The following SLC30A6 variants were observed in gnomAD, a reference collection of about 807,000 sequenced individuals.
The protein encoded by SLC30A6 is zinc transporter 6.
A neutral mutation model predicts 63.0 loss-of-function variants in SLC30A6; 55 were observed. The observed-to-expected ratio is 0.87, with a 90% CI of 0.70 to 1.09. The LOEUF (loss-of-function observed/expected upper bound fraction) is 1.09. SLC30A6 is among the 50% of genes least tolerant of loss of function. SLC30A6 has a pLI of 0.00. For missense variants in SLC30A6, 587 were observed against 549.2 expected (o/e 1.07, Z -0.69); for synonymous variants, 224 against 186.1 (o/e 1.20, Z -1.66).
chr2:32,203,222 C>T (rs1349807464), intron 10 of SLC30A6: 16 of 1,056,888 alleles, frequency 1.5e-5, no homozygotes, highest in South Asian at 1.3e-4. Context: ...CTATATCCAT[C>T]GTTCTGGACG....
chr2:32,186,730 G>C (rs1284193701), intron 5 of SLC30A6, among the ~76,000 whole-genome samples: 1 of 151,598 alleles, frequency 6.6e-6, no homozygotes, highest in Non-Finnish European at 1.5e-5. Flanking sequence ...AGATGCAGTG[G>C]CTCATGCCTG....
intron 10 of SLC30A6, chr2:32,201,570 G>A: frequency 2.3e-6 from 3 of 1,327,822 alleles, no homozygotes; most frequent in South Asian, 2.8e-5. Context: ...TGTGGCCACT[G>A]TGCCCGGAGG....
chr2:32,204,225 AAAAT>A (rs1249494609), intron 10 of SLC30A6, among the ~76,000 whole-genome samples: 1 of 152,120 alleles, frequency 6.6e-6, no homozygotes, highest in African/African-American at 2.4e-5. Flanking sequence ...TTTTTAAAAA[AAAAT>A]TACTAGTTGA....
chr2:32,197,377 C>T lies in SLC30A6; in HGVS notation c.530C>T (p.Ala177Val). The change falls in exon 9 of 14, where the codon GCA (alanine) becomes GTA (valine). Residue 177 changes from alanine (A) to valine (V), a missense_variant. Coordinates refer to ENST00000282587, the MANE Select transcript of SLC30A6 (RefSeq NM_017964.5). ...ACGAGCTGGCTTCAAGAGCATGTTG[C>T]AGATCTTAGTCGAAGGTAAGATGTT... ...ASTSWLQEHV[A>V]DLSRSLCGII... 1 of 1,613,506 alleles carries T rather than the reference C, an allele frequency of 6.2e-7. No homozygotes were observed. Among genetic ancestry groups the T allele is most frequent in the Middle Eastern group, 1.7e-4 (1 of 6,040 alleles).
chr2:32,201,762 A>T, intron 10 of SLC30A6: 1 of 1,353,482 alleles, frequency 7.4e-7, no homozygotes, highest in Non-Finnish European at 1.0e-6. Flanking sequence ...ATGAAGATTT[A>T]AACAAGATAA....
At chr2:32,186,261 C>G (rs1354382089) in intron 5 of SLC30A6, among the ~76,000 whole-genome samples, 1 of 152,214 alleles carries the variant, frequency 6.6e-6, no homozygotes, top group East Asian at 1.9e-4. Flanking sequence ...TGTCCAGCTC[C>G]TGGCCTCAAA....
At position 32,220,645 on chromosome 2, in the gene SLC30A6, A is replaced by C. The variant is rs763393489; in HGVS notation, c.1318A>C (p.Arg440=). The change falls in exon 14 of 14, where the codon AGG becomes CGG. Residue 440 remains arginine, a synonymous_variant. Transcript: ENST00000282587. ...AGGAATTGGAGCAACTCAAGGATTG[A>C]GGACTGGTTTTACAAATATACCAAG... is the stretch of plus-strand genomic sequence containing the variant. ...VPGIGATQGL[R]TGFTNIPSRY... The C allele has an allele frequency of 6.2e-7, 1 of 1,614,188 alleles. No homozygotes were observed. Among genetic ancestry groups the C allele is most frequent in the Non-Finnish European group, 8.5e-7 (1 of 1,180,014 alleles).
intron 13 of SLC30A6, among the ~76,000 whole-genome samples, chr2:32,215,514 A>T (rs1364112861): frequency 2.5e-4 from 23 of 90,656 alleles, no homozygotes; most frequent in Admixed American, 6.7e-4. Context: ...ATATATATAT[A>T]TATTTTTTTT....
intron 5 of SLC30A6, among the ~76,000 whole-genome samples, chr2:32,186,851 G>A (rs558856981): frequency 5.9e-5 from 9 of 151,636 alleles, no homozygotes; most frequent in African/African-American, 2.2e-4. Context: ...ACAAAAATAT[G>A]CTGGGTGTGG....
At chr2:32,181,436 T>A (rs1480279608) in intron 4 of SLC30A6, among the ~76,000 whole-genome samples, 1 of 152,058 alleles carries the variant, frequency 6.6e-6, no homozygotes, top group Non-Finnish European at 1.5e-5. Context: ...TATAGAAAAA[T>A]TTTCAGAGAT....
intron 10 of SLC30A6, among the ~76,000 whole-genome samples, chr2:32,200,903 C>A (rs1340786043): frequency 1.3e-5 from 2 of 152,132 alleles, no homozygotes; most frequent in Non-Finnish European, 2.9e-5. Flanking sequence ...GTTGTCAGCA[C>A]AGAGTCCTGA....
intron 5 of SLC30A6, among the ~76,000 whole-genome samples, chr2:32,185,592 T>C (rs1480730111): frequency 1.3e-5 from 2 of 152,148 alleles, no homozygotes; most frequent in Non-Finnish European, 2.9e-5. Flanking sequence ...TGGGACTATA[T>C]TCTTTTGAAC....
chr2:32,185,823 G>C (rs534894309), intron 5 of SLC30A6, among the ~76,000 whole-genome samples: 1 of 151,568 alleles, frequency 6.6e-6, no homozygotes, highest in South Asian at 2.1e-4. Flanking sequence ...GGGTTCCAGC[G>C]ATTCTTCTGC....
chr2:32,193,802 C>T, intron 7 of SLC30A6, 87 bp from the exon 8 acceptor site: 2 of 1,023,164 alleles, frequency 2.0e-6, no homozygotes, highest in Non-Finnish European at 3.0e-6. Flanking sequence ...TTTACCTTCC[C>T]ACCTCTTAGT....
chr2:32,198,491 TCTCCCATCTCAGTGAATGG>T (rs1683991674), intron 10 of SLC30A6, among the ~76,000 whole-genome samples: 1 of 152,204 alleles, frequency 6.6e-6, no homozygotes, highest in African/African-American at 2.4e-5. Flanking sequence ...TTTTCTTCTA[TCTCCCATCTCAGTGAATGG>T]GAGATACAAG....
At chr2:32,192,304 T>C (rs111581959) in intron 5 of SLC30A6, 32 bp from the exon 6 acceptor site, 1 of 1,593,608 alleles carries the variant, frequency 6.3e-7, no homozygotes, top group South Asian at 1.1e-5. Flanking sequence ...ATTGAAAGAA[T>C]TGTGATGATC....
chr2:32,185,238 G>C (rs1682703216), intron 5 of SLC30A6, among the ~76,000 whole-genome samples: 1 of 152,194 alleles, frequency 6.6e-6, no homozygotes, highest in African/African-American at 2.4e-5. Flanking sequence ...GTGTACACCT[G>C]TGGTCCCAGC....
At chr2:32,169,652 A>G (rs930360515) in intron 1 of SLC30A6, among the ~76,000 whole-genome samples, 3 of 152,100 alleles carry the variant, frequency 2.0e-5, no homozygotes, top group Non-Finnish European at 4.4e-5. Flanking sequence ...GGTGGTGGGT[A>G]CCTGTAGTCC....
intron 10 of SLC30A6, chr2:32,202,213 G>A: frequency 1.2e-6 from 1 of 815,388 alleles, no homozygotes; most frequent in Admixed American, 2.6e-5. Flanking sequence ...TAAGACCTTT[G>A]GTCCTGTATA....
Sources: gnomAD v4.1 joint callset for allele counts (sites outside exome capture counted in the v4.1 genomes callset) on GRCh38, gnomAD v4.1.1 for gene constraint, MANE v1.5 for transcripts, NCBI Gene and HGNC (gene_info 2026-07-23, HGNC 2026-07-21) for gene names.